BTBD9: variants seen among roughly 807,000 people sequenced by gnomAD.
The protein encoded by BTBD9 is BTB/POZ domain-containing protein 9.
A neutral mutation model predicts 64.3 loss-of-function variants in BTBD9; 49 were observed. The observed-to-expected ratio is 0.76, with a 90% CI of 0.61 to 0.97. The LOEUF (loss-of-function observed/expected upper bound fraction) is 0.97, where lower values mean the gene tolerates loss of function less well. Among genes scored for constraint, BTBD9 ranks in the 50% least tolerant of loss-of-function variants. BTBD9 has a pLI of 0.00. For missense variants in BTBD9, 598 were observed against 762.1 expected (o/e 0.78, Z 2.53); for synonymous variants, 260 against 274.7 (o/e 0.95, Z 0.53).
At chr6:38,542,851 T>A (rs556329170) in intron 6 of BTBD9, among the ~76,000 whole-genome samples, 4 of 152,230 alleles carry the variant, frequency 2.6e-5, no homozygotes, top group African/African-American at 9.6e-5. Context: ...ATTTTGCTTA[T>A]AAGGATCTGT....
At chr6:38,273,444 G>A (rs1461314334) in intron 8 of BTBD9, among the ~76,000 whole-genome samples, 1 of 152,222 alleles carries the variant, frequency 6.6e-6, no homozygotes, top group African/African-American at 2.4e-5. Context: ...ACATTCCAGG[G>A]AGGATGGAGC....
intron 6 of BTBD9, among the ~76,000 whole-genome samples, chr6:38,400,009 G>A (rs1193354183): frequency 6.6e-6 from 1 of 151,184 alleles, no homozygotes; most frequent in Non-Finnish European, 1.5e-5. Flanking sequence ...TGATCCGCCC[G>A]CCTCGGCCTC....
chr6:38,189,673 CTT>C (rs58452564), intron 10 of BTBD9, among the ~76,000 whole-genome samples: 15 of 148,002 alleles, frequency 1.0e-4, no homozygotes, highest in South Asian at 2.2e-4. Context: ...TTCTTTCTTT[CTT>C]TTTTTTTTTT....
At chr6:38,626,589 T>C (rs769074267) in intron 1 of BTBD9, among the ~76,000 whole-genome samples, 18 of 152,206 alleles carry the variant, frequency 1.2e-4, no homozygotes, top group Non-Finnish European at 1.8e-4. Flanking sequence ...GGCATCTCCT[T>C]CCCAGCTCCA....
At chr6:38,217,812 C>G (rs1255477224) in intron 9 of BTBD9, among the ~76,000 whole-genome samples, 2 of 151,930 alleles carry the variant, frequency 1.3e-5, no homozygotes, top group African/African-American at 4.8e-5. Context: ...TGCTGTCACA[C>G]CTGGAAAACC....
At chr6:38,503,046 T>G (rs1772284693) in intron 6 of BTBD9, among the ~76,000 whole-genome samples, 1 of 152,232 alleles carries the variant, frequency 6.6e-6, no homozygotes, top group African/African-American at 2.4e-5. Flanking sequence ...ACATTCTACG[T>G]GTAATGAAAA....
At chr6:38,256,296 C>A in intron 9 of BTBD9, 113 bp downstream of exon 9, 1 of 717,256 alleles carries the variant, frequency 1.4e-6, no homozygotes, top group Admixed American at 2.5e-5. Context: ...GTGTTTTCCA[C>A]CTCCAAATAA....
intron 6 of BTBD9, among the ~76,000 whole-genome samples, chr6:38,374,260 C>T (rs1156706981): frequency 1.5e-5 from 1 of 66,296 alleles, no homozygotes; most frequent in Non-Finnish European, 2.6e-5. Context: ...CAGAGTGAGG[C>T]CTTGTGTCGA....
chr6:38,403,329 A>G (rs537328501), intron 6 of BTBD9, among the ~76,000 whole-genome samples: 40 of 151,296 alleles, frequency 2.6e-4, no homozygotes, highest in South Asian at 6.2e-4. Flanking sequence ...AATTATATAC[A>G]TATGTATATC....
chr6:38,456,862 CTCAAACAA>C (rs1769836161), intron 6 of BTBD9, among the ~76,000 whole-genome samples: 1 of 152,130 alleles, frequency 6.6e-6, no homozygotes, highest in African/African-American at 2.4e-5. Context: ...CATTCCCCTG[CTCAAACAA>C]TTTGCCATAC....
intron 6 of BTBD9, among the ~76,000 whole-genome samples, chr6:38,518,883 A>C (rs1208248601): frequency 6.6e-6 from 1 of 152,200 alleles, no homozygotes; most frequent in Non-Finnish European, 1.5e-5. Context: ...AAGAGCTTAT[A>C]ATCCATTTTT....
chr6:38,332,708 C>A (rs908009886), intron 7 of BTBD9, among the ~76,000 whole-genome samples: 29 of 151,970 alleles, frequency 1.9e-4, no homozygotes, highest in Non-Finnish European at 2.8e-4. Context: ...AAAAAACACA[C>A]ACATAACTGG....
At chr6:38,227,221 TG>T (rs1481374183) in intron 9 of BTBD9, among the ~76,000 whole-genome samples, 39 of 152,358 alleles carry the variant, frequency 2.6e-4, no homozygotes, top group African/African-American at 9.1e-4. Flanking sequence ...CTGAGGATTC[TG>T]GGATTCTGAT....
chr6:38,499,931 G>A (rs1772120656), intron 6 of BTBD9, among the ~76,000 whole-genome samples: 1 of 152,174 alleles, frequency 6.6e-6, no homozygotes, highest in Non-Finnish European at 1.5e-5. Context: ...ATTCTTTTCA[G>A]AGACGTCATC....
intron 1 of BTBD9, among the ~76,000 whole-genome samples, chr6:38,611,394 A>G (rs1777613384): frequency 1.3e-5 from 2 of 152,172 alleles, no homozygotes. Context: ...AAATTTAAAC[A>G]GTGGAAATTA....
At chr6:38,441,652 A>G (rs1769040232) in intron 6 of BTBD9, among the ~76,000 whole-genome samples, 1 of 152,142 alleles carries the variant, frequency 6.6e-6, no homozygotes, top group Non-Finnish European at 1.5e-5. Flanking sequence ...CCTGGGCTCA[A>G]GTGATCCTCC....
chr6:38,557,012 C>A (rs374339915), intron 6 of BTBD9, among the ~76,000 whole-genome samples: 1 of 56,422 alleles, frequency 1.8e-5, no homozygotes, highest in African/African-American at 7.9e-5. Context: ...GACTCCATCT[C>A]ACCAAAAAAA....
intron 6 of BTBD9, among the ~76,000 whole-genome samples, chr6:38,384,784 G>C (rs1039373424): frequency 6.6e-5 from 10 of 152,142 alleles, no homozygotes; most frequent in African/African-American, 2.4e-5. Flanking sequence ...AGGGAATTTT[G>C]TCTCATCCTG....
chr6:38,192,875 C>A (rs1428337361), intron 9 of BTBD9, among the ~76,000 whole-genome samples: 1 of 132,916 alleles, frequency 7.5e-6, no homozygotes, highest in Non-Finnish European at 1.5e-5. Context: ...CATAAACAAG[C>A]ACAAAGGGCA....
Sources: gnomAD v4.1 joint callset for allele counts (sites outside exome capture counted in the v4.1 genomes callset) on GRCh38, gnomAD v4.1.1 for gene constraint, MANE v1.5 for transcripts, NCBI Gene and HGNC (gene_info 2026-07-23, HGNC 2026-07-21) for gene names.